Variants in CABIN1 observed in about 807,000 individuals in gnomAD.
CABIN1 encodes calcineurin binding protein 1.
Under a neutral mutation model 227.7 loss-of-function variants are expected in CABIN1, and 133 were observed. That is an observed-to-expected ratio of 0.58 (90% CI 0.51 to 0.67). The LOEUF is 0.67. Ranked by LOEUF, CABIN1 falls within the 30% of genes least tolerant of loss-of-function variation. The probability of loss-of-function intolerance (pLI) is 0.00; values close to 1 mark genes in which losing one functional copy is unlikely to be tolerated. For synonymous variants in CABIN1, 1,086 were observed against 1,155.1 expected (o/e 0.94, Z 1.21); for missense variants, 2,408 against 2,852.5 (o/e 0.84, Z 3.55).
chr22:24,019,291 C>T (rs1033989856), intron 1 of CABIN1, among the ~76,000 whole-genome samples: 9 of 151,888 alleles, frequency 5.9e-5, no homozygotes, highest in South Asian at 4.2e-4. Context: ...CCACCATGCC[C>T]GGCTGATTTT....
intron 12 of CABIN1, among the ~76,000 whole-genome samples, chr22:24,061,260 C>G (rs896606836): frequency 6.6e-6 from 1 of 152,234 alleles, no homozygotes; most frequent in Non-Finnish European, 1.5e-5. Flanking sequence ...ACAAGGTGCT[C>G]TGGCCCCTTA....
chr22:24,028,456 T>C (rs2036256382), intron 1 of CABIN1, among the ~76,000 whole-genome samples: 1 of 152,242 alleles, frequency 6.6e-6, no homozygotes, highest in Non-Finnish European at 1.5e-5. Context: ...TGCCTCTGCA[T>C]TGAGGTACTT....
intron 1 of CABIN1, among the ~76,000 whole-genome samples, chr22:24,024,744 A>G (rs549448841): frequency 2.0e-5 from 3 of 152,126 alleles, no homozygotes; most frequent in South Asian, 2.1e-4. Flanking sequence ...GATAATTTCA[A>G]TTGCCTTTCC....
chr22:24,151,105 G>A (rs902199944), intron 29 of CABIN1, among the ~76,000 whole-genome samples: 3 of 152,144 alleles, frequency 2.0e-5, no homozygotes, highest in African/African-American at 7.2e-5. Flanking sequence ...GAACCCGAAC[G>A]CCCTTGGAGG....
intron 24 of CABIN1, among the ~76,000 whole-genome samples, chr22:24,092,753 T>C (rs553967922): frequency 6.6e-6 from 1 of 150,920 alleles, no homozygotes; most frequent in Non-Finnish European, 1.5e-5. Flanking sequence ...AACTCAGAAG[T>C]GTACAGTGTG....
Position 24,027,464 on chromosome 22 carries a change from G to T in CABIN1, c.-74-7980G>T, listed in dbSNP as rs1012454298. Among the ~76,000 whole-genome samples the T allele has an allele frequency of 1.9e-4, 29 of 152,188 alleles. 1 individual carries two copies. The highest frequency in any genetic ancestry group is 1.6e-3 in the Admixed American group (25 of 15,278). ...TTGCCTTGTTTCTTGATCTTGGAGG[G>T]AAATTAAGTATGCTGTTAGCTGTAA... On this transcript the variant is annotated intron_variant, in intron 1 of 36. Coordinates refer to ENST00000263119, the MANE Select transcript of CABIN1 (RefSeq NM_012295.4).
rs1261101367 is a variant in CABIN1 at position 24,050,813 on chromosome 22, A to G, written c.657-12A>G. ...TAACATGATAATTTCTCCCTGTCTC[A>G]CATGCTTTTAGTGACATGTCGATTC... On this transcript the variant is annotated splice_polypyrimidine_tract_variant and intron_variant, in intron 7 of 36. Coordinates refer to ENST00000263119, the MANE Select transcript of CABIN1 (RefSeq NM_012295.4). 6.2e-7 allele frequency: 1 copy of G among 1,614,154 alleles called. No homozygotes were observed. The highest frequency in any genetic ancestry group is 2.2e-5 in the East Asian group (1 of 44,882).
rs779778007 is a variant in CABIN1 at position 24,066,976 on chromosome 22, G to C, written c.2038-11G>C. 1.9e-6 allele frequency: 3 copies of C among 1,614,114 alleles called. No homozygotes were observed. Among genetic ancestry groups the C allele is most frequent in the Non-Finnish European group, 2.5e-6 (3 of 1,179,966 alleles). On this transcript the variant is annotated splice_polypyrimidine_tract_variant and intron_variant, in intron 15 of 36. Transcript: ENST00000263119. ...GTTTACCCTCATACAGCATTGCCGGGCCTTTTTCAGATTGATAAGAACCTG... is the reference window on the plus strand; with the variant it reads ...GTTTACCCTCATACAGCATTGCCGGCCCTTTTTCAGATTGATAAGAACCTG...
intron 27 of CABIN1, 112 bp from the exon 28 acceptor site, chr22:24,119,255 G>T (rs1347933087): frequency 2.2e-6 from 2 of 926,054 alleles, no homozygotes; most frequent in African/African-American, 1.6e-5. Context: ...CAAGGGCATT[G>T]ATCCAGCCGT....
chr22:24,140,540 G>A (rs138822406), intron 29 of CABIN1, among the ~76,000 whole-genome samples: 1 of 152,336 alleles, frequency 6.6e-6, no homozygotes, highest in East Asian at 1.9e-4. Flanking sequence ...AAGCCTGCAT[G>A]GGCCAGAGCC....
chr22:24,112,135 C>T (rs917047018), intron 26 of CABIN1, among the ~76,000 whole-genome samples: 16 of 152,270 alleles, frequency 1.1e-4, no homozygotes, highest in African/African-American at 3.4e-4. Flanking sequence ...TGTCTCTTGA[C>T]GATGTACTTT....
At chr22:24,127,887 A>C (rs1342946096) in intron 28 of CABIN1, among the ~76,000 whole-genome samples, 1 of 152,148 alleles carries the variant, frequency 6.6e-6, no homozygotes, top group African/African-American at 2.4e-5. Context: ...AATAACGTAG[A>C]ACAGAGTTCC....
intron 16 of CABIN1, among the ~76,000 whole-genome samples, chr22:24,068,078 C>A (rs779731993): frequency 6.6e-6 from 1 of 152,096 alleles, no homozygotes; most frequent in Non-Finnish European, 1.5e-5. Flanking sequence ...ACAGATTGCA[C>A]GAAGCATTTT....
chr22:24,035,269 T>C (rs1226560090), intron 1 of CABIN1, among the ~76,000 whole-genome samples, 175 bp from the exon 2 acceptor site: 3 of 152,142 alleles, frequency 2.0e-5, no homozygotes, highest in Non-Finnish European at 4.4e-5. Flanking sequence ...ATGAATGCTA[T>C]CGTAAGGGAC....
Position 24,036,112 on chromosome 22 carries a change from C to G in CABIN1, c.27C>G (p.Ala9=), listed in dbSNP as rs1412967289. Residue 9 remains alanine (A), a synonymous_variant, in exon 3 of 37, where the codon GCC becomes GCG. Transcript: ENST00000263119. MIRIAALN[A]SSTIEDDHEG... ...AGATTCGAATTGCAGCCTTAAATGC[C>G]AGCTCCACCATTGAGGATGATCATG... 1.2e-5 allele frequency: 19 copies of G among 1,613,676 alleles called. No individual in the cohort carries two copies. Among genetic ancestry groups the G allele is most frequent in the Non-Finnish European group, 1.5e-5 (18 of 1,179,780 alleles).
At chr22:24,074,668 A>G (rs1296087133) in intron 18 of CABIN1, among the ~76,000 whole-genome samples, 2 of 152,230 alleles carry the variant, frequency 1.3e-5, no homozygotes, top group Non-Finnish European at 2.9e-5. Context: ...AGGAAAAATA[A>G]TAACAGTTAT....
chr22:24,049,521 C>G (rs2038159492), intron 7 of CABIN1, among the ~76,000 whole-genome samples: 1 of 152,238 alleles, frequency 6.6e-6, no homozygotes, highest in Admixed American at 6.5e-5. Context: ...TGCTGCCCAG[C>G]TTGCCTCCTG....
At position 24,094,243 on chromosome 22, in the gene CABIN1, T is replaced by C. The variant is rs1454018365; in HGVS notation, c.3787-1688T>C. ...CTACGTGTGGCCCTCAGGAAGATGA[T>C]GTCAACTCTGTTTTTCCTCCATGTT... On this transcript the variant is annotated intron_variant, in intron 24 of 36. Transcript: ENST00000263119. Among the ~76,000 whole-genome samples the C allele has an allele frequency of 2.0e-5, 3 of 152,182 alleles. No homozygotes were observed. In the East Asian group the frequency reaches 5.8e-4, roughly 29 times the overall value.
In CABIN1 at chr22:24,177,932, T is replaced by A; in HGVS notation, c.6519+115T>A. The A allele has an allele frequency of 7.6e-7, 1 of 1,312,624 alleles. No homozygotes were observed. The highest frequency in any genetic ancestry group is 1.0e-6 in the Non-Finnish European group (1 of 992,920). 81.3% of individuals were successfully genotyped at this position (1,312,624 alleles called of 1,614,324 possible). Reference sequence around the variant, plus strand: ...GCCTGGGGTGTGGGTGAGGATGGCATAGGGGCCTGGGGCAGGGGTGAGGGT... The same window carrying A: ...GCCTGGGGTGTGGGTGAGGATGGCAAAGGGGCCTGGGGCAGGGGTGAGGGT... On this transcript the variant is annotated intron_variant, in intron 36 of 36. Coordinates refer to ENST00000263119, the MANE Select transcript of CABIN1 (RefSeq NM_012295.4). This position sits in a 1 kb window ranked among gnomAD's most constrained non-coding sequence, Gnocchi z 4.4.
Sources: allele counts gnomAD v4.1 joint callset (sites outside exome capture counted in the v4.1 genomes callset), GRCh38; gene constraint gnomAD v4.1.1; non-coding constraint Gnocchi (gnomAD v3.1); transcripts MANE v1.5; gene names NCBI Gene and HGNC (gene_info 2026-07-23, HGNC 2026-07-21).